The following COPRS variants were observed in gnomAD, a reference collection of about 807,000 sequenced individuals.
The protein encoded by COPRS is cooperator of PRMT5.
A neutral mutation model predicts 19.9 loss-of-function variants in COPRS; 11 were observed. The ratio of observed to expected loss-of-function variants is 0.55; its 90% CI spans 0.35 to 0.92. The LOEUF is 0.92. COPRS is among the 40% of genes least tolerant of loss of function. The pLI is 0.01. For missense variants in COPRS, 225 were observed against 229.9 expected (o/e 0.98, Z 0.14); for synonymous variants, 81 against 82.7 (o/e 0.98, Z 0.11).
At chr17:31,854,534 C>T (rs1435067310) in intron 2 of COPRS, among the ~76,000 whole-genome samples, 5 of 152,044 alleles carry the variant, frequency 3.3e-5, no homozygotes, top group Admixed American at 3.3e-4. Flanking sequence ...GCACTATTTA[C>T]AATCACCAAA....
At chr17:31,858,617 C>T (rs534375739) in intron 1 of COPRS, 2 of 1,048,644 alleles carry the variant, frequency 1.9e-6, no homozygotes, top group African/African-American at 1.6e-5. Flanking sequence ...AACCCTGCGT[C>T]AAACAGGGCC....
chr17:31,852,426 AAC>A (rs772287196), intron 3 of COPRS, 118 bp from the exon 4 acceptor site: 7 of 727,582 alleles, frequency 9.6e-6, no homozygotes, highest in Middle Eastern at 2.7e-4. Context: ...TTTGTTTAAA[AAC>A]ACACACAGTT....
rs747115008 is a variant in COPRS, at chr17:31,852,433, AC to A, written c.386-126del. Reference sequence around the variant, plus strand: ...GCACTTATTTTGTTTAAAAACACACACAGTTCTCCTTTCCTGAAGAATTGTA... The same window carrying A: ...GCACTTATTTTGTTTAAAAACACACAAGTTCTCCTTTCCTGAAGAATTGTA... On this transcript the variant is annotated intron_variant, in intron 3 of 3. Transcript: ENST00000302362. 683 of 689,024 alleles carry A rather than the reference AC, an allele frequency of 9.9e-4. 7 individuals carry two copies. The highest frequency in any genetic ancestry group is 3.5e-3 in the Middle Eastern group (12 of 3,384). 42.7% of individuals were successfully genotyped at this position (689,024 alleles called of 1,614,324 possible).
chr17:31,852,359 G>A, intron 3 of COPRS, 51 bp from the exon 4 acceptor site: 1 of 1,485,614 alleles, frequency 6.7e-7, no homozygotes, highest in Non-Finnish European at 9.2e-7. Flanking sequence ...GGGAAGGAAG[G>A]AAGGTAAAAA....
rs1433091494 is a variant in COPRS at position 31,854,683 on chromosome 17, C to T, written c.167-1653G>A. Among the ~76,000 whole-genome samples the T allele has an allele frequency of 3.3e-5, 5 of 152,278 alleles. No homozygotes were observed. In the East Asian group the frequency reaches 5.8e-4, roughly 18 times the overall value. ...ACGGCATGGATGCACCTTGAAAATA[C>T]GCTAAGTGGAAGAAGCCAGACACAA... On this transcript the variant is annotated intron_variant, in intron 2 of 3. Coordinates refer to ENST00000302362, the MANE Select transcript of COPRS (RefSeq NM_018405.4).
At chr17:31,855,439 A>G (rs1909309996) in intron 2 of COPRS, among the ~76,000 whole-genome samples, 1 of 152,054 alleles carries the variant, frequency 6.6e-6, no homozygotes, top group Non-Finnish European at 1.5e-5. Context: ...CCCAGGGGGC[A>G]GAGTTTGCAG....
At chr17:31,857,201 T>C (rs1001315448) in intron 1 of COPRS, among the ~76,000 whole-genome samples, 1 of 152,172 alleles carries the variant, frequency 6.6e-6, no homozygotes, top group African/African-American at 2.4e-5. Flanking sequence ...GGTCTGGGTC[T>C]CAGGACTCTC....
At chr17:31,857,608 T>C (rs1294908778) in intron 1 of COPRS, among the ~76,000 whole-genome samples, 2 of 152,126 alleles carry the variant, frequency 1.3e-5, no homozygotes, top group Non-Finnish European at 2.9e-5. Flanking sequence ...CCCTATGACC[T>C]CCAAGACCTC....
chr17:31,855,154 T>A (rs1377017152), intron 2 of COPRS, among the ~76,000 whole-genome samples: 1 of 152,034 alleles, frequency 6.6e-6, no homozygotes, highest in Admixed American at 6.6e-5. Context: ...GGTGGGCGGA[T>A]CACCTGAGGT....
intron 1 of COPRS, among the ~76,000 whole-genome samples, 155 bp from the exon 2 acceptor site, chr17:31,857,020 C>T (rs766852909): frequency 6.6e-6 from 1 of 152,336 alleles, no homozygotes; most frequent in Admixed American, 6.5e-5. Context: ...CCCTGTTAAA[C>T]TGAGCAAGGC....
At chr17:31,855,862 G>A (rs571478960) in intron 2 of COPRS, among the ~76,000 whole-genome samples, 59 of 151,606 alleles carry the variant, frequency 3.9e-4, no homozygotes, top group Non-Finnish European at 6.5e-4. Flanking sequence ...TGGGCATGGT[G>A]GCATATGCCT....
rs1324156948 is a variant in COPRS, at chr17:31,852,764, T to G, written c.385+48A>C. 2.2e-6 allele frequency: 3 copies of G among 1,342,734 alleles called. No homozygotes were observed. The African/African-American group carries it at 4.3e-5, about 19-fold the overall frequency. The allele number at this position is 1,342,734 out of a possible 1,614,324, so 83.2% of individuals were successfully genotyped here. On this transcript the variant is annotated intron_variant, in intron 3 of 3. Transcript: ENST00000302362. The stretch of plus-strand genomic sequence containing the variant: ...CTGCCTTCAGGGCTGGTCTGACAGG[T>G]GTGTCTGAGAAGGCCTAGTTCAGGA...
At chr17:31,858,537 G>C in intron 1 of COPRS, 1 of 464,196 alleles carries the variant, frequency 2.2e-6, no homozygotes, top group Non-Finnish European at 2.8e-6. Flanking sequence ...GGTAAGAACT[G>C]TAATAACGGT....
chr17:31,852,163 T>C lies in COPRS; in HGVS notation c.531A>G (p.Gly177=), dbSNP rs764083168. The change falls in exon 4 of 4, where the codon GGA becomes GGG. Residue 177 remains glycine, a synonymous_variant. Coordinates refer to ENST00000302362, the MANE Select transcript of COPRS (RefSeq NM_018405.4). ...CTCAATCTTCAGCATCGTCAAACTG[T>C]CCTGTTTCAAAGACCATCTTGGAAT... ...PYYSKMVFET[G]QFDDAED 1 of 1,614,120 alleles carries C rather than the reference T, an allele frequency of 6.2e-7. No individual in the cohort carries two copies. Among genetic ancestry groups the C allele is most frequent in the East Asian group, 2.2e-5 (1 of 44,876 alleles).
intron 3 of COPRS, among the ~76,000 whole-genome samples, chr17:31,852,554 G>C (rs1567768535): frequency 6.6e-6 from 1 of 152,184 alleles, no homozygotes; most frequent in South Asian, 2.1e-4. Context: ...ACTTCTATCT[G>C]CAGCTGCTCA....
chr17:31,859,190 G>A lies in COPRS; in HGVS notation c.10C>T (p.Gln4Ter). 1 of 1,056,478 alleles carries A rather than the reference G, an allele frequency of 9.5e-7. No individual in the cohort carries two copies. Among genetic ancestry groups the A allele is most frequent in the Non-Finnish European group, 1.1e-6 (1 of 875,952 alleles). The allele number at this position is 1,056,478 out of a possible 1,614,324, so 65.4% of individuals were successfully genotyped here. A position where few individuals can be genotyped will look rare whatever the true frequency, so the allele number is the denominator to read the frequency against. MDL[Q>*]AAGAQAQGAA... ...CCCTGCGCCTGGGCCCCGGCGGCCT[G>A]AAGGTCCATGCCCTGCGGCCCGCGG... is the stretch of plus-strand genomic sequence containing the variant. Residue 4 changes from glutamine (Q) to a stop codon, truncating the protein, a stop_gained, in exon 1 of 4, where the codon CAG becomes TAG. Coordinates refer to ENST00000302362, the MANE Select transcript of COPRS (RefSeq NM_018405.4). LOFTEE classifies it high-confidence loss of function.
At chr17:31,853,514 G>C (rs1191890454) in intron 2 of COPRS, among the ~76,000 whole-genome samples, 3 of 151,898 alleles carry the variant, frequency 2.0e-5, no homozygotes, top group Non-Finnish European at 4.4e-5. Flanking sequence ...TGAGCAGCTG[G>C]GATTACAAGC....
chr17:31,853,162 CT>C lies in COPRS; in HGVS notation c.167-133del, dbSNP rs569292144. ...CAGAGTCTTCTTTAGCCACCGAGCA[CT>C]TTTTTAAAAATGCACTTCTTTGTAT... On this transcript the variant is annotated intron_variant, in intron 2 of 3. Transcript: ENST00000302362. The C allele has an allele frequency of 1.1e-4, 75 of 701,010 alleles. No homozygotes were observed. The African/African-American group carries it at 1.2e-3, about 11-fold the overall frequency. The allele number at this position is 701,010 out of a possible 1,614,324, so 43.4% of individuals were successfully genotyped here. A position where few individuals can be genotyped will look rare whatever the true frequency, so the allele number is the denominator to read the frequency against.
intron 1 of COPRS, among the ~76,000 whole-genome samples, chr17:31,857,465 A>C: frequency 6.6e-6 from 1 of 152,174 alleles, no homozygotes; most frequent in East Asian, 1.9e-4. Flanking sequence ...TCACCAACAC[A>C]CTGAGGTGGG....
Sources: gnomAD v4.1 joint callset for allele counts (sites outside exome capture counted in the v4.1 genomes callset) on GRCh38, gnomAD v4.1.1 for gene constraint, MANE v1.5 for transcripts, NCBI Gene and HGNC (gene_info 2026-07-23, HGNC 2026-07-21) for gene names.